Variants in ABCC1 observed in about 807,000 individuals in gnomAD.
ABCC1 encodes the protein multidrug resistance-associated protein 1.
A neutral mutation model predicts 172.9 loss-of-function variants in ABCC1; 83 were observed. That is an observed-to-expected ratio of 0.48 (90% CI 0.40 to 0.58). The LOEUF (loss-of-function observed/expected upper bound fraction) is 0.58. Among genes scored for constraint, ABCC1 ranks in the 20% least tolerant of loss-of-function variants. ABCC1 has a pLI of 0.00. For missense variants in ABCC1, 1,817 were observed against 2,002.7 expected (o/e 0.91, Z 1.77); for synonymous variants, 937 against 825.2 (o/e 1.14, Z -2.32).
intron 5 of ABCC1, among the ~76,000 whole-genome samples, chr16:16,032,176 A>G (rs1015916535): frequency 2.6e-5 from 4 of 152,096 alleles, no homozygotes; most frequent in Non-Finnish European, 5.9e-5. Context: ...TTTTTAGGAG[A>G]GACAGGGTTT....
At chr16:16,126,728 C>T (rs1356666443) in intron 26 of ABCC1, among the ~76,000 whole-genome samples, 1 of 152,186 alleles carries the variant, frequency 6.6e-6, no homozygotes, top group Non-Finnish European at 1.5e-5. Context: ...GAAAATAATA[C>T]TACTTTTCCT....
intron 25 of ABCC1, among the ~76,000 whole-genome samples, 183 bp from the exon 26 acceptor site, chr16:16,125,627 T>A (rs2045396766): frequency 6.6e-6 from 1 of 151,690 alleles, no homozygotes; most frequent in Non-Finnish European, 1.5e-5. Flanking sequence ...CTGATGGGGT[T>A]TCGCCACATC....
chr16:15,966,651 CTTT>C (rs34159339), intron 1 of ABCC1, among the ~76,000 whole-genome samples: 8 of 138,632 alleles, frequency 5.8e-5, no homozygotes, highest in Admixed American at 7.3e-5. Context: ...TTCTCTCTCT[CTTT>C]TTTTTTTTTT....
chr16:16,009,928 G>A, intron 3 of ABCC1, 27 bp downstream of exon 3: 1 of 1,570,654 alleles, frequency 6.4e-7, no homozygotes, highest in Non-Finnish European at 8.6e-7. Flanking sequence ...TGTGACCCCT[G>A]GGCCATCTGC....
intron 1 of ABCC1, among the ~76,000 whole-genome samples, chr16:15,994,727 C>T (rs1472598697): frequency 6.6e-6 from 1 of 151,964 alleles, no homozygotes; most frequent in Non-Finnish European, 1.5e-5. Flanking sequence ...TTCAGGCCTA[C>T]CCCCTGCAGA....
intron 3 of ABCC1, among the ~76,000 whole-genome samples, chr16:16,013,562 ATT>A (rs10712722): frequency 3.5e-4 from 53 of 149,830 alleles, no homozygotes; most frequent in Non-Finnish European, 3.7e-4. Context: ...CACCTGGCTG[ATT>A]TTTTTTTTTT....
At chr16:16,100,180 A>G (rs2051664102) in intron 19 of ABCC1, among the ~76,000 whole-genome samples, 1 of 152,028 alleles carries the variant, frequency 6.6e-6, no homozygotes, top group Admixed American at 6.6e-5. Flanking sequence ...TGCAGAGTGG[A>G]ATTTTCCAGC....
At chr16:16,024,727 A>G (rs1332351289) in intron 5 of ABCC1, among the ~76,000 whole-genome samples, 3 of 152,184 alleles carry the variant, frequency 2.0e-5, no homozygotes, top group Admixed American at 2.0e-4. Context: ...TGACACACTC[A>G]GGTTGGACAG....
chr16:16,054,948 G>A (rs2049587358), intron 11 of ABCC1, among the ~76,000 whole-genome samples: 1 of 152,090 alleles, frequency 6.6e-6, no homozygotes, highest in South Asian at 2.1e-4. Context: ...AACAACCATG[G>A]GCCAGGCACA....
At chr16:16,024,165 G>C (rs986178133) in intron 5 of ABCC1, among the ~76,000 whole-genome samples, 2 of 152,144 alleles carry the variant, frequency 1.3e-5, no homozygotes, top group African/African-American at 4.8e-5. Context: ...GTTGCAGTGC[G>C]CCGAGATCGC....
At position 16,028,035 on chromosome 16, in the gene ABCC1, GAGCCGTGCC is replaced by G. The variant is rs527706735; in HGVS notation, c.616-5070_616-5062del. Among the ~76,000 whole-genome samples, 23 of 152,222 alleles carry G rather than the reference GAGCCGTGCC, an allele frequency of 1.5e-4. No individual in the cohort carries two copies. The South Asian group carries it at 4.4e-3, about 29-fold the overall frequency. ...AGCTAGGAAATGGCAAGCTGGGATTGAGCCGTGCCAGCTAGCCCCGTGCTATGCACTGCT... is the reference window on the plus strand; with the variant it reads ...AGCTAGGAAATGGCAAGCTGGGATTGAGCTAGCCCCGTGCTATGCACTGCT... On this transcript the variant is annotated intron_variant, in intron 5 of 30. Coordinates refer to ENST00000399410, the MANE Select transcript of ABCC1 (RefSeq NM_004996.4).
intron 5 of ABCC1, among the ~76,000 whole-genome samples, chr16:16,024,568 G>C (rs1198491922): frequency 6.6e-6 from 1 of 152,134 alleles, no homozygotes; most frequent in Non-Finnish European, 1.5e-5. Flanking sequence ...ACTCAGGCTG[G>C]TCTTGAACTC....
chr16:16,047,322 C>T (rs45530533), intron 9 of ABCC1, among the ~76,000 whole-genome samples: 7,107 of 152,168 alleles, frequency 0.047, 182 homozygotes, highest in Middle Eastern at 0.13. Flanking sequence ...GACAGGGTCT[C>T]GCTCTGTCAC....
At chr16:15,976,541 G>A (rs2046495736) in intron 1 of ABCC1, among the ~76,000 whole-genome samples, 1 of 152,074 alleles carries the variant, frequency 6.6e-6, no homozygotes. Flanking sequence ...GCTCCATCTT[G>A]CCCCATAAAC....
At chr16:15,989,605 C>G (rs1334878371) in intron 1 of ABCC1, among the ~76,000 whole-genome samples, 1 of 152,136 alleles carries the variant, frequency 6.6e-6, no homozygotes, top group Non-Finnish European at 1.5e-5. Context: ...TAGGAGCACC[C>G]TGTCGTCTTG....
At chr16:16,118,883 T>TAAAAAAAAAAA (rs397855738) in intron 23 of ABCC1, among the ~76,000 whole-genome samples, 1 of 118,444 alleles carries the variant, frequency 8.4e-6, no homozygotes, top group African/African-American at 3.2e-5. Flanking sequence ...AAGTGTATAT[T>TAAAAAAAAAAA]AAAAAAAAAA....
intron 22 of ABCC1, among the ~76,000 whole-genome samples, chr16:16,112,469 G>A (rs1462978207): frequency 6.6e-6 from 1 of 152,078 alleles, no homozygotes; most frequent in African/African-American, 2.4e-5. Flanking sequence ...CATTTACTGA[G>A]CATTTACTTG....
chr16:16,103,845 C>T (rs986315236), intron 20 of ABCC1, among the ~76,000 whole-genome samples: 3 of 152,134 alleles, frequency 2.0e-5, no homozygotes, highest in African/African-American at 4.8e-5. Flanking sequence ...GTCTTGGTCT[C>T]ACTGACTTCA....
intron 10 of ABCC1, 45 bp from the exon 11 acceptor site, chr16:16,052,679 T>C: frequency 6.3e-7 from 1 of 1,597,662 alleles, no homozygotes; most frequent in Non-Finnish European, 8.6e-7. Flanking sequence ...GGGCCCTGTT[T>C]TCTTCTGTCT....
Sources: allele counts gnomAD v4.1 joint callset (sites outside exome capture counted in the v4.1 genomes callset), GRCh38; gene constraint gnomAD v4.1.1; transcripts MANE v1.5; gene names NCBI Gene and HGNC (gene_info 2026-07-23, HGNC 2026-07-21).